BDKRB1: variants seen among roughly 807,000 people sequenced by gnomAD.
BDKRB1 encodes B1 bradykinin receptor.
For synonymous variants in BDKRB1, 192 were observed against 189.1 expected, an observed-to-expected ratio of 1.02 and a Z score of -0.13; for missense variants, 414 against 441.4, an observed-to-expected ratio of 0.94 and a Z score of 0.56.
chr14:96,263,658 T>C lies in BDKRB1; in HGVS notation c.-10-15T>C. Reference sequence around the variant, plus strand: ...CTGCCACTTCCTGTTTTATTCTACCTTCTGTTCATTTCAGGTCACTGTGCA... The same window carrying C: ...CTGCCACTTCCTGTTTTATTCTACCCTCTGTTCATTTCAGGTCACTGTGCA... On this transcript the variant is annotated splice_polypyrimidine_tract_variant and intron_variant, in intron 2 of 2. Transcript: ENST00000216629. 6.3e-7 allele frequency: 1 copy of C among 1,591,682 alleles called. No homozygotes were observed. Among genetic ancestry groups the C allele is most frequent in the Non-Finnish European group, 8.5e-7 (1 of 1,171,088 alleles).
chr14:96,260,212 C>T (rs1461404357), intron 1 of BDKRB1, among the ~76,000 whole-genome samples: 2 of 152,146 alleles, frequency 1.3e-5, no homozygotes, highest in Admixed American at 6.5e-5. Flanking sequence ...TTAGTACATA[C>T]AGGGTTTCAC....
intron 1 of BDKRB1, among the ~76,000 whole-genome samples, chr14:96,258,871 C>T (rs1885678085): frequency 6.6e-6 from 1 of 151,266 alleles, no homozygotes; most frequent in Non-Finnish European, 1.5e-5. Context: ...TAAGTTGTAC[C>T]TACTTATAAG....
intron 1 of BDKRB1, among the ~76,000 whole-genome samples, chr14:96,258,575 T>C (rs1885670249): frequency 6.6e-6 from 1 of 152,208 alleles, no homozygotes; most frequent in African/African-American, 2.4e-5. Context: ...GTTTGGAATG[T>C]AGTGGTGCGA....
Position 96,264,157 on chromosome 14 carries a change from G to A in BDKRB1, c.475G>A (p.Val159Met), listed in dbSNP as rs891701156. ...QRRRQARVTC[V>M]LIWVVGGLLS... Reference sequence around the variant, plus strand: ...GCGGAGGCAGGCCCGGGTCACCTGCGTGCTCATCTGGGTTGTGGGGGGCCT... The same window carrying A: ...GCGGAGGCAGGCCCGGGTCACCTGCATGCTCATCTGGGTTGTGGGGGGCCT... The change falls in exon 3 of 3, where the codon GTG becomes ATG. Residue 159 changes from valine to methionine, a missense_variant. Transcript: ENST00000216629. 1.7e-5 allele frequency: 27 copies of A among 1,601,786 alleles called. No individual in the cohort carries two copies. Among genetic ancestry groups the A allele is most frequent in the Middle Eastern group, 1.7e-4 (1 of 6,012 alleles).
chr14:96,261,841 C>T (rs1016475093), intron 1 of BDKRB1, among the ~76,000 whole-genome samples: 1 of 152,244 alleles, frequency 6.6e-6, no homozygotes, highest in Non-Finnish European at 1.5e-5. Context: ...TCTGTGGATC[C>T]CTGAGTTGGC....
intron 2 of BDKRB1, 28 bp from the exon 3 acceptor site, chr14:96,263,645 G>A: frequency 6.4e-7 from 1 of 1,567,402 alleles, no homozygotes; most frequent in Non-Finnish European, 8.6e-7. Flanking sequence ...GCCACTTCCT[G>A]TTTTATTCTA....
chr14:96,257,634 C>T (rs1255481304), intron 1 of BDKRB1, among the ~76,000 whole-genome samples: 2 of 152,140 alleles, frequency 1.3e-5, no homozygotes, highest in Non-Finnish European at 2.9e-5. Flanking sequence ...GTCAGGACCT[C>T]GCCTCCTTTC....
At chr14:96,258,761 T>G (rs953183078) in intron 1 of BDKRB1, among the ~76,000 whole-genome samples, 2 of 152,146 alleles carry the variant, frequency 1.3e-5, no homozygotes, top group Admixed American at 6.5e-5. Flanking sequence ...CCTCATGTGA[T>G]CCACCTGCCT....
intron 2 of BDKRB1, 60 bp from the exon 3 acceptor site, chr14:96,263,613 T>C: frequency 6.7e-7 from 1 of 1,495,148 alleles, no homozygotes; most frequent in Non-Finnish European, 8.9e-7. Flanking sequence ...GACAGGTTGG[T>C]TTGGCTCATA....
intron 1 of BDKRB1, among the ~76,000 whole-genome samples, chr14:96,257,109 CACAG>C (rs1885633869): frequency 6.6e-6 from 1 of 152,240 alleles, no homozygotes; most frequent in Non-Finnish European, 1.5e-5. Flanking sequence ...ACTTTATAAA[CACAG>C]ACAGCAGCAG....
chr14:96,258,957 A>G (rs751490398), intron 1 of BDKRB1, among the ~76,000 whole-genome samples: 1 of 151,888 alleles, frequency 6.6e-6, no homozygotes, highest in Non-Finnish European at 1.5e-5. Context: ...ATCTCATTTC[A>G]TACAGAACAT....
At chr14:96,260,898 C>A (rs1885733564) in intron 1 of BDKRB1, among the ~76,000 whole-genome samples, 1 of 152,168 alleles carries the variant, frequency 6.6e-6, no homozygotes, top group African/African-American at 2.4e-5. Context: ...ACTTGTCTAC[C>A]TAATTGCCTG....
At chr14:96,263,568 C>G in intron 2 of BDKRB1, 105 bp from the exon 3 acceptor site, 1 of 1,252,480 alleles carries the variant, frequency 8.0e-7, no homozygotes, top group Non-Finnish European at 1.1e-6. Context: ...GGGTGTGGCT[C>G]TGTGCCAATA....
chr14:96,258,650 A>T (rs1001439191), intron 1 of BDKRB1, among the ~76,000 whole-genome samples: 4 of 152,042 alleles, frequency 2.6e-5, no homozygotes, highest in Non-Finnish European at 5.9e-5. Flanking sequence ...CCTCCTGTGT[A>T]GCTGGGATTA....
Position 96,261,793 on chromosome 14 carries a change from C to T in BDKRB1, c.-129-859C>T, listed in dbSNP as rs571913675. Among the ~76,000 whole-genome samples, 3 of 152,346 alleles carry T rather than the reference C, an allele frequency of 2.0e-5. No individual in the cohort carries two copies. The South Asian group carries it at 6.2e-4, about 32-fold the overall frequency. On this transcript the variant is annotated intron_variant, in intron 1 of 2. Transcript: ENST00000216629. ...GAAGATTGTCTGGAGCCGCATAAAT[C>T]CCGCAGTGTAGGCAGCTGCTCATTC...
intron 1 of BDKRB1, among the ~76,000 whole-genome samples, chr14:96,260,534 A>G (rs568818036): frequency 6.6e-6 from 1 of 152,198 alleles, no homozygotes; most frequent in Non-Finnish European, 1.5e-5. Flanking sequence ...CATTACTCCA[A>G]AAGGGTTTAT....
intron 1 of BDKRB1, among the ~76,000 whole-genome samples, chr14:96,262,056 C>T (rs181889211): frequency 6.0e-4 from 91 of 151,002 alleles, no homozygotes; most frequent in African/African-American, 2.1e-3. Context: ...GGGGTGCATG[C>T]AGACCAAGGT....
Position 96,263,666 on chromosome 14 carries a change from A to G in BDKRB1, c.-10-7A>G, listed in dbSNP as rs1393464273. On this transcript the variant is annotated splice_region_variant and splice_polypyrimidine_tract_variant and intron_variant, in intron 2 of 2. Transcript: ENST00000216629. ...TCCTGTTTTATTCTACCTTCTGTTCATTTCAGGTCACTGTGCATGGCATCA... is the reference window on the plus strand; with the variant it reads ...TCCTGTTTTATTCTACCTTCTGTTCGTTTCAGGTCACTGTGCATGGCATCA... 5 of 1,598,580 alleles carry G rather than the reference A, an allele frequency of 3.1e-6. No homozygotes were observed. The highest frequency in any genetic ancestry group is 4.3e-6 in the Non-Finnish European group (5 of 1,174,086).
chr14:96,259,492 T>C, intron 1 of BDKRB1: 1 of 152,266 alleles, frequency 6.6e-6, no homozygotes, highest in East Asian at 1.9e-4. Flanking sequence ...ACAAATTGTG[T>C]GTGCACCATG....
Sources: gnomAD v4.1 joint callset for allele counts (sites outside exome capture counted in the v4.1 genomes callset) on GRCh38, gnomAD v4.1.1 for gene constraint, MANE v1.5 for transcripts, NCBI Gene and HGNC (gene_info 2026-07-23, HGNC 2026-07-21) for gene names.